Variants in USH2A observed in about 807,000 individuals in gnomAD.
The protein encoded by USH2A is Usher syndrome 2A (autosomal recessive, mild).
USH2A carries 443 observed loss-of-function variants against 538.9 expected under a neutral mutation model. That is an observed-to-expected ratio of 0.82 (90% confidence interval 0.76 to 0.89). The LOEUF is 0.89. USH2A is among the 40% of genes least tolerant of loss of function. The pLI, the probability that USH2A is intolerant of heterozygous loss-of-function variation, is 0.00. For synonymous variants in USH2A, 2,413 were observed against 2,273.5 expected (o/e 1.06, Z -1.75); for missense variants, 6,633 against 6,324.8 (o/e 1.05, Z -1.65).
intron 51 of USH2A, among the ~76,000 whole-genome samples, chr1:215,788,298 A>C (rs2102768313): frequency 6.6e-6 from 1 of 152,204 alleles, no homozygotes; most frequent in South Asian, 2.1e-4. Flanking sequence ...CTGCAGTAGG[A>C]GAAGCCACCT....
intron 21 of USH2A, among the ~76,000 whole-genome samples, chr1:216,172,457 T>A (rs1273815906): frequency 6.6e-6 from 1 of 152,118 alleles, no homozygotes; most frequent in African/African-American, 2.4e-5. Context: ...AAAGGACATC[T>A]TAGTTTATCT....
At chr1:216,084,502 T>C (rs887679126) in intron 25 of USH2A, among the ~76,000 whole-genome samples, 196 bp downstream of exon 25, 9 of 152,182 alleles carry the variant, frequency 5.9e-5, no homozygotes, top group African/African-American at 2.2e-4. Context: ...TACATGGATG[T>C]ATACTTATGA....
intron 49 of USH2A, among the ~76,000 whole-genome samples, chr1:215,800,302 C>T (rs1452222804): frequency 6.6e-6 from 1 of 152,144 alleles, no homozygotes; most frequent in African/African-American, 2.4e-5. Flanking sequence ...TCCTCCTCTT[C>T]TTCCTACACC....
intron 50 of USH2A, among the ~76,000 whole-genome samples, chr1:215,796,116 G>A (rs550829153): frequency 2.0e-5 from 3 of 152,204 alleles, no homozygotes; most frequent in South Asian, 4.1e-4. Context: ...GTCTGCATTC[G>A]ATCTGTTGCA....
chr1:215,669,274 T>C (rs1398901906), intron 64 of USH2A, among the ~76,000 whole-genome samples: 1 of 152,172 alleles, frequency 6.6e-6, no homozygotes, highest in African/African-American at 2.4e-5. Flanking sequence ...GACAGCTTGA[T>C]AACGTGACAC....
At chr1:216,078,502 C>T in intron 26 of USH2A, 140 bp from the exon 27 acceptor site, 1 of 769,044 alleles carries the variant, frequency 1.3e-6, no homozygotes, top group Non-Finnish European at 2.2e-6. Context: ...TCACTCTACC[C>T]TAAGTTTCTG....
chr1:216,096,426 A>G (rs568415675), intron 22 of USH2A, among the ~76,000 whole-genome samples: 1 of 152,362 alleles, frequency 6.6e-6, no homozygotes, highest in South Asian at 2.1e-4. Flanking sequence ...AAATACAGAC[A>G]TATAATCTTG....
chr1:215,976,396 A>G (rs1397378516), intron 35 of USH2A, among the ~76,000 whole-genome samples: 1 of 152,158 alleles, frequency 6.6e-6, no homozygotes, highest in Non-Finnish European at 1.5e-5. Context: ...TCCTGTTCTC[A>G]GATAGAATGC....
chr1:216,196,738 AT>A lies in USH2A; in HGVS notation c.4082-17del, dbSNP rs1393037560. 5.0e-6 allele frequency: 8 copies of A among 1,610,686 alleles called. No homozygotes were observed. The Admixed American group carries it at 1.0e-4, about 20-fold the overall frequency. ...AATACAGGTGCTATCAATGAGAACA[AT>A]AACAATAACATCAAAACAATGAATG... On this transcript the variant is annotated splice_polypyrimidine_tract_variant and intron_variant, in intron 18 of 71. Transcript: ENST00000307340.
intron 14 of USH2A, among the ~76,000 whole-genome samples, chr1:216,218,769 T>C (rs1224772878): frequency 6.6e-6 from 1 of 152,124 alleles, no homozygotes; most frequent in Non-Finnish European, 1.5e-5. Flanking sequence ...CTTTTATCTA[T>C]ACACATTACA....
intron 41 of USH2A, among the ~76,000 whole-genome samples, chr1:215,882,518 A>G (rs1038417151): frequency 6.6e-6 from 1 of 151,216 alleles, no homozygotes; most frequent in Non-Finnish European, 1.5e-5. Flanking sequence ...TCAATCAGAC[A>G]GAGAAAGAGT....
At position 215,996,560 on chromosome 1, in the gene USH2A, G is replaced by GTTTTTTTTTTTTTTTTT. The variant is rs753233925; in HGVS notation, c.6657+2310_6657+2326dup. ...TTTGTTGAGAGTAGCAACATATTAT[G>GTTTTTTTTTTTTTTTTT]TTTTTTTTTTTTTTTTTTTTTTTTT... On this transcript the variant is annotated intron_variant, in intron 34 of 71. Transcript: ENST00000307340. Among the ~76,000 whole-genome samples, 6 of 51,696 alleles carry GTTTTTTTTTTTTTTTTT rather than the reference G, an allele frequency of 1.2e-4. 2 individuals are homozygous for GTTTTTTTTTTTTTTTTT. The highest frequency in any genetic ancestry group is 1.9e-4 in the African/African-American group (2 of 10,772). 33.9% of individuals were successfully genotyped at this position (51,696 alleles called of 152,430 possible).
intron 15 of USH2A, among the ~76,000 whole-genome samples, chr1:216,215,705 A>C (rs2035330040): frequency 6.6e-6 from 1 of 152,166 alleles, no homozygotes; most frequent in African/African-American, 2.4e-5. Context: ...CAAGAGTTGA[A>C]GAACTGTGCT....
At chr1:216,383,945 C>T (rs1464966699) in intron 3 of USH2A, among the ~76,000 whole-genome samples, 3 of 149,800 alleles carry the variant, frequency 2.0e-5, no homozygotes, top group African/African-American at 7.4e-5. Context: ...AAGTGATCCT[C>T]CTGCGTAGGC....
intron 15 of USH2A, among the ~76,000 whole-genome samples, chr1:216,208,328 C>T (rs1452534305): frequency 6.6e-6 from 1 of 152,122 alleles, no homozygotes; most frequent in Admixed American, 6.5e-5. Context: ...CCTAATCAAA[C>T]ATTCTCCTTA....
intron 20 of USH2A, among the ~76,000 whole-genome samples, chr1:216,187,976 TG>T (rs2034641749): frequency 1.3e-5 from 2 of 152,142 alleles, no homozygotes; most frequent in South Asian, 4.1e-4. Context: ...CTCTTATTTT[TG>T]TAAGTCAACT....
intron 20 of USH2A, among the ~76,000 whole-genome samples, chr1:216,181,539 C>T (rs2034494550): frequency 6.6e-6 from 1 of 152,094 alleles, no homozygotes; most frequent in Non-Finnish European, 1.5e-5. Flanking sequence ...ACAAACACTA[C>T]CTTAACCAGT....
At position 216,179,210 on chromosome 1, in the gene USH2A, T is replaced by C. The variant is rs576895234; in HGVS notation, c.4397-3728A>G. Among the ~76,000 whole-genome samples, 10 of 152,180 alleles carry C rather than the reference T, an allele frequency of 6.6e-5. No homozygotes were observed. The South Asian group carries it at 1.7e-3, about 25-fold the overall frequency. ...CCAAAAATTACGTCTTAAACAGGAA[T>C]ATAGATTAAGAGTAATAGGAAACAA... On this transcript the variant is annotated intron_variant, in intron 20 of 71. Transcript: ENST00000307340.
intron 44 of USH2A, among the ~76,000 whole-genome samples, chr1:215,853,549 G>A (rs34990219): frequency 0.36 from 55,411 of 152,022 alleles, 11,026 homozygotes; most frequent in Admixed American, 0.51. Context: ...TCAGAAAATG[G>A]GACTTTCTTT....
Sources: allele counts gnomAD v4.1 joint callset (sites outside exome capture counted in the v4.1 genomes callset), GRCh38; gene constraint gnomAD v4.1.1; transcripts MANE v1.5; gene names NCBI Gene and HGNC (gene_info 2026-07-23, HGNC 2026-07-21).